NUP93: variants seen among roughly 807,000 people sequenced by gnomAD.
NUP93 encodes the protein nucleoporin 93.
In NUP93, 55 loss-of-function variants were observed where a neutral mutation model predicts 107.8. The ratio of observed to expected loss-of-function variants is 0.51; its 90% CI spans 0.41 to 0.64. The LOEUF is 0.64. NUP93 is among the 30% of genes least tolerant of loss of function. The probability of loss-of-function intolerance (pLI) is 0.00; values close to 1 mark genes in which losing one functional copy is unlikely to be tolerated. For synonymous variants in NUP93, 390 were observed against 397.5 expected, an observed-to-expected ratio of 0.98 and a Z score of 0.22; for missense variants, 937 against 1,044.7, an observed-to-expected ratio of 0.90 and a Z score of 1.42.
rs1963488138 is a variant in NUP93 at position 56,818,840 on chromosome 16, G to A, written c.564+102G>A. The A allele has an allele frequency of 2.1e-6, 2 of 955,938 alleles. 1 individual carries two copies. Among genetic ancestry groups the A allele is most frequent in the South Asian group, 3.0e-5 (2 of 65,818 alleles). 59.2% of individuals were successfully genotyped at this position (955,938 alleles called of 1,614,324 possible). ...TGTAAAAGTCAAACCCTGAAAGCAA[G>A]TTGTATTTTTTCATTTAGAGAACTA... On this transcript the variant is annotated intron_variant, in intron 6 of 21. Coordinates refer to ENST00000308159, the MANE Select transcript of NUP93 (RefSeq NM_014669.5).
At chr16:56,823,445 G>T (rs1963590508) in intron 7 of NUP93, among the ~76,000 whole-genome samples, 1 of 152,102 alleles carries the variant, frequency 6.6e-6, no homozygotes, top group Non-Finnish European at 1.5e-5. Context: ...TATGTACGTG[G>T]TTATGTCAGA....
At chr16:56,812,504 T>C (rs569727694) in intron 5 of NUP93, among the ~76,000 whole-genome samples, 1 of 152,142 alleles carries the variant, frequency 6.6e-6, no homozygotes, top group African/African-American at 2.4e-5. Flanking sequence ...CAACCACGCC[T>C]GGCTAATTTT....
Position 56,830,586 on chromosome 16 carries a change from G to C in NUP93, c.986G>C (p.Gly329Ala). 6.2e-7 allele frequency: 1 copy of C among 1,611,242 alleles called. No homozygotes were observed. Among genetic ancestry groups the C allele is most frequent in the African/African-American group, 1.3e-5 (1 of 75,020 alleles). ...CTAATTTACTACTGCATGCGCTGTG[G>C]AGACCTGCTTGCCGCTTCACAGGTA... ...WALIYYCMRC[G>A]DLLAASQVVN... Residue 329 changes from glycine to alanine, a missense_variant, in exon 10 of 22, where the codon GGA (glycine) becomes GCA (alanine). Transcript: ENST00000308159.
rs767611012 is a variant in NUP93 at position 56,833,327 on chromosome 16, C to T, written c.1458C>T (p.Arg486=). 1.2e-6 allele frequency: 2 copies of T among 1,606,644 alleles called. No individual in the cohort carries two copies. The highest frequency in any genetic ancestry group is 2.7e-5 in the African/African-American group (2 of 74,416). The change falls in exon 13 of 22, where the codon CGC becomes CGT. Residue 486 remains arginine (R), a synonymous_variant. Coordinates refer to ENST00000308159, the MANE Select transcript of NUP93 (RefSeq NM_014669.5). ...VAFLFRMERL[R]CHAVHVALVL... is the part of the protein sequence containing the mutation. Reference sequence around the variant, plus strand: ...TTCTTTTCCGCATGGAGCGGCTGCGCTGCCATGCTGTCCATGTAGCACTGG... The same window carrying T: ...TTCTTTTCCGCATGGAGCGGCTGCGTTGCCATGCTGTCCATGTAGCACTGG...
intron 3 of NUP93, among the ~76,000 whole-genome samples, chr16:56,760,430 T>C (rs1396648318): frequency 6.6e-6 from 1 of 152,178 alleles, no homozygotes; most frequent in Non-Finnish European, 1.5e-5. Flanking sequence ...AGAGGTTCAA[T>C]TGGCTCACGG....
At chr16:56,741,402 GAC>G (rs1961737497) in intron 1 of NUP93, among the ~76,000 whole-genome samples, 1 of 152,188 alleles carries the variant, frequency 6.6e-6, no homozygotes, top group South Asian at 2.1e-4. Context: ...AGGAAATTGA[GAC>G]AGAGAAATTG....
chr16:56,771,552 G>A (rs1962322477), intron 3 of NUP93, among the ~76,000 whole-genome samples: 1 of 152,106 alleles, frequency 6.6e-6, no homozygotes, highest in African/African-American at 2.4e-5. Flanking sequence ...TTTCTTACCT[G>A]TTTTCTATGG....
intron 5 of NUP93, among the ~76,000 whole-genome samples, chr16:56,808,639 T>G (rs578067024): frequency 7.4e-6 from 1 of 134,542 alleles, no homozygotes; most frequent in African/African-American, 2.9e-5. Context: ...AATACATTTA[T>G]ATAAATATAT....
At chr16:56,817,279 C>T (rs1300412868) in intron 5 of NUP93, among the ~76,000 whole-genome samples, 2 of 151,744 alleles carry the variant, frequency 1.3e-5, no homozygotes, top group South Asian at 2.1e-4. Context: ...GCATCCTTGA[C>T]ACTCCAGTGT....
At chr16:56,801,990 A>T (rs1216829736) in intron 4 of NUP93, among the ~76,000 whole-genome samples, 1 of 151,962 alleles carries the variant, frequency 6.6e-6, no homozygotes, top group East Asian at 1.9e-4. Context: ...TGTTTTCTTT[A>T]ATTGCCTTTG....
At chr16:56,810,681 AT>A (rs1963295841) in intron 5 of NUP93, among the ~76,000 whole-genome samples, 1 of 152,152 alleles carries the variant, frequency 6.6e-6, no homozygotes, top group African/African-American at 2.4e-5. Context: ...GTACAACTCA[AT>A]GAATCATCAC....
chr16:56,769,028 A>G (rs970824993), intron 3 of NUP93, among the ~76,000 whole-genome samples: 1 of 152,192 alleles, frequency 6.6e-6, no homozygotes, highest in African/African-American at 2.4e-5. Context: ...CTTACTGTTA[A>G]CCCCATGTCA....
intron 1 of NUP93, among the ~76,000 whole-genome samples, chr16:56,742,885 G>A (rs989852161): frequency 2.0e-5 from 3 of 152,124 alleles, no homozygotes; most frequent in Non-Finnish European, 4.4e-5. Flanking sequence ...AAGGAAGAGA[G>A]GTATTCTACT....
chr16:56,742,961 G>T (rs1173852264), intron 1 of NUP93, among the ~76,000 whole-genome samples: 5 of 152,120 alleles, frequency 3.3e-5, no homozygotes, highest in Non-Finnish European at 7.4e-5. Context: ...AGATATGTGG[G>T]ATTTTAATAT....
rs1338339747 is a variant in NUP93 at position 56,847,273 on chromosome 16, G to A, written c.*2664G>A. The A allele has an allele frequency of 6.6e-6, 1 of 152,228 alleles. No homozygotes were observed. The highest frequency in any genetic ancestry group is 1.9e-4 in the East Asian group (1 of 5,202). The allele number at this position is 152,228 out of a possible 1,614,324, so 9.4% of individuals were successfully genotyped here. A position where few individuals can be genotyped will look rare whatever the true frequency, so the allele number is the denominator to read the frequency against. Reference sequence around the variant, plus strand: ...ATTTGCAAGGCCACAACATCAGGTTGTCATGTACCCATCATTACAGCTTAT... The same window carrying A: ...ATTTGCAAGGCCACAACATCAGGTTATCATGTACCCATCATTACAGCTTAT... On this transcript the variant is annotated 3_prime_UTR_variant, in exon 22 of 22. Transcript: ENST00000308159.
intron 3 of NUP93, among the ~76,000 whole-genome samples, chr16:56,761,494 A>G (rs747089884): frequency 2.6e-5 from 4 of 152,102 alleles, no homozygotes; most frequent in African/African-American, 7.2e-5. Flanking sequence ...TGCTTAAATG[A>G]GATATAATTC....
intron 5 of NUP93, 122 bp from the exon 6 acceptor site, chr16:56,818,542 T>C: frequency 1.3e-6 from 1 of 758,230 alleles, no homozygotes; most frequent in Non-Finnish European, 2.2e-6. Flanking sequence ...GAGGAATTCT[T>C]AACTAGGAAA....
chr16:56,846,493 T>C lies in NUP93; in HGVS notation c.*1884T>C, dbSNP rs12929119. Reference sequence around the variant, plus strand: ...GGGAGGCCAAGGCAGGCAGTTCGCTTGAGGTAAGGGGTTTGAGACCAGTCT... The same window carrying C: ...GGGAGGCCAAGGCAGGCAGTTCGCTCGAGGTAAGGGGTTTGAGACCAGTCT... On this transcript the variant is annotated 3_prime_UTR_variant, in exon 22 of 22. Coordinates refer to ENST00000308159, the MANE Select transcript of NUP93 (RefSeq NM_014669.5). 35,245 of 152,080 alleles carry C rather than the reference T, an allele frequency of 0.23. 4,386 individuals are homozygous for C. The highest frequency in any genetic ancestry group is 0.27 in the Non-Finnish European group (18,270 of 68,028). 9.4% of individuals were successfully genotyped at this position (152,080 alleles called of 1,614,324 possible).
intron 1 of NUP93, among the ~76,000 whole-genome samples, chr16:56,731,695 GCCACCACAC>G (rs1271125582): frequency 5.9e-5 from 9 of 152,108 alleles, no homozygotes; most frequent in African/African-American, 2.2e-4. Flanking sequence ...ACAGGTGTGG[GCCACCACAC>G]CCAGTCTTCT....
Sources: gnomAD v4.1 joint callset for allele counts (sites outside exome capture counted in the v4.1 genomes callset) on GRCh38, gnomAD v4.1.1 for gene constraint, MANE v1.5 for transcripts, NCBI Gene and HGNC (gene_info 2026-07-23, HGNC 2026-07-21) for gene names.